SF3A3: variants seen among roughly 807,000 people sequenced by gnomAD.
SF3A3 encodes the protein splicing factor 3a subunit 3.
SF3A3 carries 9 observed loss-of-function variants against 85.8 expected under a neutral mutation model. The observed-to-expected ratio is 0.10, with a 90% CI of 0.06 to 0.18. The LOEUF is 0.18. Among genes scored for constraint, SF3A3 ranks in the 10% least tolerant of loss-of-function variants. The pLI is 1.00. For synonymous variants in SF3A3, 195 were observed against 204.4 expected, an observed-to-expected ratio of 0.95 and a Z score of 0.39; for missense variants, 306 against 593.3, an observed-to-expected ratio of 0.52 and a Z score of 5.03.
At position 37,966,231 on chromosome 1, in the gene SF3A3, T is replaced by A. The variant is rs550737200; in HGVS notation, c.1372+1813A>T. Among the ~76,000 whole-genome samples the A allele has an allele frequency of 2.5e-4, 32 of 126,488 alleles. 1 individual carries two copies. The South Asian group carries it at 6.9e-3, about 27-fold the overall frequency. The allele number at this position is 126,488 out of a possible 152,430, so 83.0% of individuals were successfully genotyped here. A position where few individuals can be genotyped will look rare whatever the true frequency, so the allele number is the denominator to read the frequency against. On this transcript the variant is annotated intron_variant, in intron 15 of 16. Coordinates refer to ENST00000373019, the MANE Select transcript of SF3A3 (RefSeq NM_006802.4). ...AAAATAAATAAATAAATTAATTAAT[T>A]AAATTAAATTAAAAAAAAAGAAGAA...
intron 8 of SF3A3, among the ~76,000 whole-genome samples, chr1:37,980,144 G>A (rs1243860210): frequency 1.3e-5 from 2 of 152,126 alleles, no homozygotes; most frequent in Non-Finnish European, 2.9e-5. Context: ...CTCACATACG[G>A]CCAGGTGCGG....
chr1:37,983,341 T>C (rs2148723698), intron 6 of SF3A3, among the ~76,000 whole-genome samples: 1 of 151,142 alleles, frequency 6.6e-6, no homozygotes, highest in South Asian at 2.1e-4. Flanking sequence ...CCCAACACTT[T>C]GTGAGGCCAA....
intron 2 of SF3A3, among the ~76,000 whole-genome samples, chr1:37,989,347 T>C (rs1646478350): frequency 6.6e-6 from 1 of 151,492 alleles, no homozygotes; most frequent in Admixed American, 6.6e-5. Flanking sequence ...TAATGAAGAA[T>C]GCCCAAGAGT....
At chr1:37,989,727 G>T in intron 1 of SF3A3, 132 bp from the exon 2 acceptor site, 1 of 1,254,308 alleles carries the variant, frequency 8.0e-7, no homozygotes, top group East Asian at 2.4e-5. Context: ...CCGGACCCCG[G>T]GAGGAGGTTA....
At chr1:37,989,714 G>A (rs1557757479) in intron 1 of SF3A3, 119 bp from the exon 2 acceptor site, 1 of 1,338,046 alleles carries the variant, frequency 7.5e-7, no homozygotes, top group Non-Finnish European at 1.0e-6. Flanking sequence ...GGCCTCTGGG[G>A]CTCCGGACCC....
intron 9 of SF3A3, 166 bp from the exon 10 acceptor site, chr1:37,979,221 T>G (rs532156310): frequency 1.5e-6 from 1 of 645,204 alleles, no homozygotes; most frequent in Non-Finnish European, 2.8e-6. Context: ...TATAGTTATC[T>G]TCAGACTTAA....
intron 14 of SF3A3, among the ~76,000 whole-genome samples, chr1:37,969,145 G>A (rs1351018743): frequency 6.6e-6 from 1 of 152,108 alleles, no homozygotes; most frequent in Non-Finnish European, 1.5e-5. Flanking sequence ...AGAGTGGTGC[G>A]GTAGAATTCC....
chr1:37,966,889 C>T (rs28367909), intron 15 of SF3A3, among the ~76,000 whole-genome samples: 118,096 of 131,168 alleles, frequency 0.9, 53,244 homozygotes, highest in East Asian at 1. Context: ...GAGCCGAGAT[C>T]GCACCATTGC....
chr1:37,979,791 A>T (rs1262083853), intron 8 of SF3A3, among the ~76,000 whole-genome samples: 2 of 152,168 alleles, frequency 1.3e-5, no homozygotes, highest in Non-Finnish European at 2.9e-5. Flanking sequence ...CACAAGGTTG[A>T]GGCTGCAGCA....
chr1:37,976,071 G>A (rs1242780799), intron 12 of SF3A3, among the ~76,000 whole-genome samples: 1 of 151,722 alleles, frequency 6.6e-6, no homozygotes, highest in Non-Finnish European at 1.5e-5. Context: ...CAGGAGACTT[G>A]CTTGAACCCT....
chr1:37,962,803 C>A (rs1482045912), intron 15 of SF3A3, among the ~76,000 whole-genome samples: 1 of 145,392 alleles, frequency 6.9e-6, no homozygotes, highest in Non-Finnish European at 1.5e-5. Flanking sequence ...AAAATCACTG[C>A]GGCCGGGTGC....
intron 16 of SF3A3, 81 bp downstream of exon 16, chr1:37,960,039 A>G (rs1188931820): frequency 9.2e-7 from 1 of 1,084,056 alleles, no homozygotes; most frequent in Non-Finnish European, 1.4e-6. Flanking sequence ...ACCAGGGACC[A>G]TCTTTCACCT....
At chr1:37,979,132 G>T in intron 9 of SF3A3, 77 bp from the exon 10 acceptor site, 1 of 1,171,112 alleles carries the variant, frequency 8.5e-7, no homozygotes, top group Non-Finnish European at 1.3e-6. Flanking sequence ...CAGAGGGTGG[G>T]TGTTCCTGAG....
intron 4 of SF3A3, among the ~76,000 whole-genome samples, 186 bp from the exon 5 acceptor site, chr1:37,984,965 G>A (rs1002357074): frequency 2.0e-5 from 3 of 152,096 alleles, no homozygotes; most frequent in Non-Finnish European, 4.4e-5. Context: ...ACACCACCAC[G>A]CTTGGCTAAT....
In SF3A3 at chr1:37,980,616, T is replaced by C. The variant is rs763215097; in HGVS notation, c.660A>G (p.Lys220=). 1 of 1,614,074 alleles carries C rather than the reference T, an allele frequency of 6.2e-7. No individual in the cohort carries two copies. Among genetic ancestry groups the C allele is most frequent in the Non-Finnish European group, 8.5e-7 (1 of 1,179,998 alleles). The stretch of plus-strand genomic sequence containing the variant: ...ATCCAGGAAAGGTCCCATTCTCCCA[T>C]TTCTTCTCAAACTCAGCCTGAATCT... ...FGKIQAEFEK[K]WENGTFPGWP... Residue 220 remains lysine (K), a synonymous_variant, in exon 8 of 17, where the codon AAA becomes AAG. Transcript: ENST00000373019.
intron 15 of SF3A3, among the ~76,000 whole-genome samples, chr1:37,961,100 T>C (rs1335954292): frequency 6.6e-6 from 1 of 152,182 alleles, no homozygotes; most frequent in Non-Finnish European, 1.5e-5. Context: ...ATTCCTGCGT[T>C]TCCACCTTTC....
At position 37,961,759 on chromosome 1, in the gene SF3A3, C is replaced by CAAAAAAAAAA. The variant is rs10699691; in HGVS notation, c.1373-1594_1373-1585dup. Among the ~76,000 whole-genome samples, 286 of 37,682 alleles carry CAAAAAAAAAA rather than the reference C, an allele frequency of 7.6e-3. 14 individuals carry two copies. Among genetic ancestry groups the CAAAAAAAAAA allele is most frequent in the East Asian group, 0.032 (25 of 774 alleles). The allele number at this position is 37,682 out of a possible 152,430, so 24.7% of individuals were successfully genotyped here. ...AGCCTGGGTGACAAAGCAAGACTGC[C>CAAAAAAAAAA]AAAAAAAAAAAAAAAAAAAAAAAAG... On this transcript the variant is annotated intron_variant, in intron 15 of 16. Transcript: ENST00000373019.
In SF3A3 at chr1:37,967,281, C is replaced by T. The variant is rs1250329192; in HGVS notation, c.1372+763G>A. 2.0e-5 allele frequency among the ~76,000 whole-genome samples: 3 copies of T among 146,498 alleles called. No homozygotes were observed. The East Asian group carries it at 6.5e-4, about 32-fold the overall frequency. The stretch of plus-strand genomic sequence containing the variant: ...AACAAAGGCTGGGCATGGTGGCTCA[C>T]GCCTATAATCCCAGCACTTTGGGAG... On this transcript the variant is annotated intron_variant, in intron 15 of 16. Transcript: ENST00000373019.
chr1:37,961,584 C>CA (rs1359847610), intron 15 of SF3A3, among the ~76,000 whole-genome samples: 8 of 149,170 alleles, frequency 5.4e-5, no homozygotes, highest in Non-Finnish European at 7.4e-5. Context: ...AACTCCGTCT[C>CA]AAAAAAACAA....
Sources: gnomAD v4.1 joint callset for allele counts (sites outside exome capture counted in the v4.1 genomes callset) on GRCh38, gnomAD v4.1.1 for gene constraint, MANE v1.5 for transcripts, NCBI Gene and HGNC (gene_info 2026-07-23, HGNC 2026-07-21) for gene names.